Variants in ADCK1 observed in about 807,000 individuals in gnomAD.
ADCK1 encodes aarF domain-containing protein kinase 1.
ADCK1 carries 41 observed loss-of-function variants against 52.3 expected under a neutral mutation model. The observed-to-expected ratio is 0.78, with a 90% confidence interval of 0.61 to 1.02. The LOEUF (loss-of-function observed/expected upper bound fraction) is 1.02, where lower values mean the gene tolerates loss of function less well. ADCK1 is among the 50% of genes least tolerant of loss of function. The pLI, the probability that ADCK1 is intolerant of heterozygous loss-of-function variation, is 0.00. For synonymous variants in ADCK1, 250 were observed against 274.6 expected, an observed-to-expected ratio of 0.91 and a Z score of 0.89; for missense variants, 658 against 679.5, an observed-to-expected ratio of 0.97 and a Z score of 0.35.
intron 5 of ADCK1, among the ~76,000 whole-genome samples, chr14:77,894,416 A>G (rs1361841214): frequency 6.6e-6 from 1 of 152,116 alleles, no homozygotes; most frequent in African/African-American, 2.4e-5. Flanking sequence ...TTGCATTTCT[A>G]GTTGCATTTT....
intron 3 of ADCK1, among the ~76,000 whole-genome samples, chr14:77,857,705 T>C (rs752179067): frequency 1.3e-5 from 2 of 152,374 alleles, no homozygotes; most frequent in Non-Finnish European, 2.9e-5. Flanking sequence ...TGAATGCTTT[T>C]TCCACCTTTG....
At chr14:77,901,045 CT>C (rs34756369) in intron 6 of ADCK1, among the ~76,000 whole-genome samples, 162 of 134,082 alleles carry the variant, frequency 1.2e-3, no homozygotes, top group African/African-American at 2.1e-3. Flanking sequence ...AGTTGGTGTT[CT>C]TTTTTTTTTT....
intron 3 of ADCK1, among the ~76,000 whole-genome samples, chr14:77,832,764 A>C (rs1246051785): frequency 6.6e-6 from 1 of 152,210 alleles, no homozygotes; most frequent in Non-Finnish European, 1.5e-5. Context: ...AACAACTGCC[A>C]GTTTTGAGGA....
intron 4 of ADCK1, among the ~76,000 whole-genome samples, chr14:77,859,770 C>T (rs146786046): frequency 6.6e-6 from 1 of 152,302 alleles, no homozygotes; most frequent in African/African-American, 2.4e-5. Flanking sequence ...GGTTGCTGTG[C>T]AGATTACACG....
chr14:77,810,123 C>CT (rs1262421921), intron 1 of ADCK1, among the ~76,000 whole-genome samples: 13 of 148,216 alleles, frequency 8.8e-5, no homozygotes, highest in East Asian at 6.0e-4. Context: ...CAGTTAATTA[C>CT]TTTTTTTTTT....
chr14:77,915,609 AG>A (rs1212843778), intron 7 of ADCK1, among the ~76,000 whole-genome samples: 1 of 152,206 alleles, frequency 6.6e-6, no homozygotes, highest in African/African-American at 2.4e-5. Context: ...CGTCCTTTGT[AG>A]GGACATGGAT....
intron 4 of ADCK1, among the ~76,000 whole-genome samples, chr14:77,884,777 A>G (rs2083111223): frequency 1.3e-5 from 2 of 152,248 alleles, no homozygotes; most frequent in East Asian, 3.8e-4. Context: ...ATATCAAACG[A>G]AAGTAAAATG....
intron 3 of ADCK1, among the ~76,000 whole-genome samples, chr14:77,844,520 T>C (rs2082137406): frequency 6.6e-6 from 1 of 152,180 alleles, no homozygotes; most frequent in Non-Finnish European, 1.5e-5. Flanking sequence ...CTCTCCCCCC[T>C]GTTGGACTCC....
At chr14:77,905,594 C>G (rs1440206249) in intron 6 of ADCK1, among the ~76,000 whole-genome samples, 1 of 151,924 alleles carries the variant, frequency 6.6e-6, no homozygotes, top group Admixed American at 6.6e-5. Context: ...GGTAGGTTTA[C>G]AAACAAACCC....
rs1042218157 is a variant in ADCK1, at chr14:77,933,460, A to C, written c.*69A>C. On this transcript the variant is annotated 3_prime_UTR_variant, in exon 11 of 11. Coordinates refer to ENST00000238561, the MANE Select transcript of ADCK1 (RefSeq NM_020421.4). ...TCAGCCCCTCATCTTGCCTCCACCCAGCTGCTCCATTTTTGCCACATCGTG... is the reference window on the plus strand; with the variant it reads ...TCAGCCCCTCATCTTGCCTCCACCCCGCTGCTCCATTTTTGCCACATCGTG... 1 of 1,586,140 alleles carries C rather than the reference A, an allele frequency of 6.3e-7. No homozygotes were observed. Among genetic ancestry groups the C allele is most frequent in the Non-Finnish European group, 8.6e-7 (1 of 1,159,708 alleles).
chr14:77,869,547 G>A (rs113911358), intron 4 of ADCK1, among the ~76,000 whole-genome samples: 52 of 152,102 alleles, frequency 3.4e-4, no homozygotes, highest in Non-Finnish European at 6.6e-4. Context: ...TTCCAAATAA[G>A]GTCACATTCT....
At chr14:77,829,784 T>A (rs1048950191) in intron 3 of ADCK1, among the ~76,000 whole-genome samples, 1 of 151,354 alleles carries the variant, frequency 6.6e-6, no homozygotes, top group Non-Finnish European at 1.5e-5. Flanking sequence ...ACTGAAGCAT[T>A]CATGAGCAGA....
chr14:77,805,987 CT>C (rs530925697), intron 1 of ADCK1, among the ~76,000 whole-genome samples: 29,884 of 87,092 alleles, frequency 0.34, 4,246 homozygotes, highest in Admixed American at 0.43. Flanking sequence ...ATTCTTACGG[CT>C]TTTTTTTTTT....
intron 3 of ADCK1, among the ~76,000 whole-genome samples, chr14:77,824,580 C>T (rs1287670709): frequency 7.9e-5 from 12 of 151,660 alleles, no homozygotes; most frequent in South Asian, 2.1e-4. Context: ...ATTACAGGCA[C>T]GCACCACCAC....
At chr14:77,931,039 C>T (rs569156606) in intron 9 of ADCK1, among the ~76,000 whole-genome samples, 5 of 152,216 alleles carry the variant, frequency 3.3e-5, no homozygotes, top group South Asian at 2.1e-4. Context: ...GGCTCTCATG[C>T]GAGGACAGTG....
chr14:77,933,420 G>C lies in ADCK1; in HGVS notation c.*29G>C. 6.2e-7 allele frequency: 1 copy of C among 1,609,222 alleles called. No individual in the cohort carries two copies. The highest frequency in any genetic ancestry group is 8.5e-7 in the Non-Finnish European group (1 of 1,176,588). ...GAATTGCTCTCCCTGCCCCATTCTG[G>C]TGTCTTTCCACTCCTCAGCCCCTCA... On this transcript the variant is annotated 3_prime_UTR_variant, in exon 11 of 11. Transcript: ENST00000238561.
At chr14:77,902,408 CCTAGAT>C (rs1287988327) in intron 6 of ADCK1, 1 of 152,170 alleles carries the variant, frequency 6.6e-6, no homozygotes, top group African/African-American at 2.4e-5. Context: ...AGGAGTGCAG[CCTAGAT>C]CTGGTGTCAC....
intron 3 of ADCK1, among the ~76,000 whole-genome samples, chr14:77,843,840 A>G (rs578150575): frequency 6.6e-6 from 1 of 152,286 alleles, no homozygotes; most frequent in African/African-American, 2.4e-5. Flanking sequence ...TATCCTTGGC[A>G]GCTGTGTTGT....
Position 77,899,235 on chromosome 14 carries a change from C to T in ADCK1, c.718C>T (p.Leu240Phe). The change falls in exon 6 of 11, where the codon CTC becomes TTC. Residue 240 changes from leucine to phenylalanine, a missense_variant. Coordinates refer to ENST00000238561, the MANE Select transcript of ADCK1 (RefSeq NM_020421.4). ...GRNAEKVSQM[L>F]RHFDFLKVPR... ...GAATGCTGAGAAGGTGTCCCAGATG[C>T]TCAGGCATTTTGACTTCTTGAAGGT... 6.2e-7 allele frequency: 1 copy of T among 1,614,090 alleles called. No individual in the cohort carries two copies. The highest frequency in any genetic ancestry group is 8.5e-7 in the Non-Finnish European group (1 of 1,179,982).
Sources: allele counts gnomAD v4.1 joint callset (sites outside exome capture counted in the v4.1 genomes callset), GRCh38; gene constraint gnomAD v4.1.1; transcripts MANE v1.5; gene names NCBI Gene and HGNC (gene_info 2026-07-23, HGNC 2026-07-21).